Variants in ACTN1 observed in about 807,000 individuals in gnomAD.
The protein encoded by ACTN1 is actinin alpha 1.
ACTN1 carries 30 observed loss-of-function variants against 119.6 expected under a neutral mutation model. The ratio of observed to expected loss-of-function variants is 0.25; its 90% confidence interval spans 0.19 to 0.34. The LOEUF is 0.34. Among genes scored for constraint, ACTN1 ranks in the 10% least tolerant of loss-of-function variants. The pLI, the probability that ACTN1 is intolerant of heterozygous loss-of-function variation, is 1.00. For synonymous variants in ACTN1, 429 were observed against 472.6 expected (o/e 0.91, Z 1.20); for missense variants, 764 against 1,223.4 (o/e 0.62, Z 5.60).
At position 68,979,274 on chromosome 14, in the gene ACTN1, G is replaced by A. The variant is rs2037182997; in HGVS notation, c.-218C>T. The A allele has an allele frequency of 2.5e-6, 1 of 405,664 alleles. No homozygotes were observed. The highest frequency in any genetic ancestry group is 4.8e-5 in the Admixed American group (1 of 20,646). 25.1% of individuals were successfully genotyped at this position (405,664 alleles called of 1,614,324 possible). On this transcript the variant is annotated 5_prime_UTR_variant, in exon 1 of 22. Transcript: ENST00000394419. ...CTCGCGGACTGCCTGCCTCTGGGCGGGCGCTTGGACCTAATCTCCACGCAC... is the reference window on the plus strand; with the variant it reads ...CTCGCGGACTGCCTGCCTCTGGGCGAGCGCTTGGACCTAATCTCCACGCAC...
At position 68,926,948 on chromosome 14, in the gene ACTN1, C is replaced by T. The variant is rs116613129; in HGVS notation, c.106-1276G>A. Among the ~76,000 whole-genome samples the T allele has an allele frequency of 5.4e-3, 820 of 152,258 alleles. 4 individuals are homozygous for T. The highest frequency in any genetic ancestry group is 0.018 in the African/African-American group (764 of 41,540). On this transcript the variant is annotated intron_variant, in intron 1 of 21. Transcript: ENST00000394419. ...GACAGAAGCTATCCCTCCACACAGGCGGGGAGAAAGGGACAGCATTATGAT... is the reference window on the plus strand; with the variant it reads ...GACAGAAGCTATCCCTCCACACAGGTGGGGAGAAAGGGACAGCATTATGAT...
In ACTN1 at chr14:68,932,513, CTT is replaced by C. The variant is rs753725900; in HGVS notation, c.106-6843_106-6842del. ...AGAGAACCCTGACTAATACACCCAG[CTT>C]TTTTTTTTTTTTTTTTTTTTTTTTA... On this transcript the variant is annotated intron_variant, in intron 1 of 21. Coordinates refer to ENST00000394419, the MANE Select transcript of ACTN1 (RefSeq NM_001130004.2). Among the ~76,000 whole-genome samples, 281 of 87,258 alleles carry C rather than the reference CTT, an allele frequency of 3.2e-3. 1 individual carries two copies. Among genetic ancestry groups the C allele is most frequent in the Middle Eastern group, 0.014 (2 of 148 alleles). 57.2% of individuals were successfully genotyped at this position (87,258 alleles called of 152,430 possible). A position where few individuals can be genotyped will look rare whatever the true frequency, so the allele number is the denominator to read the frequency against.
Position 68,909,371 on chromosome 14 carries a change from C to T in ACTN1, c.541G>A (p.Ala181Thr). ...ISWKDGLGFC[A>T]LIHRHRPELI... Reference sequence around the variant, plus strand: ...TCGGGCCGGTGTCGGTGGATCAAAGCACAGAAGCCGAGGCCATCCTTCCAG... The same window carrying T: ...TCGGGCCGGTGTCGGTGGATCAAAGTACAGAAGCCGAGGCCATCCTTCCAG... The change falls in exon 6 of 22, where the codon GCT becomes ACT. Residue 181 changes from alanine to threonine, a missense_variant. Around this residue, in one of 4 missense-constraint regions of ACTN1, gnomAD observed 54 missense variants for 153.2 expected, o/e 0.35. Coordinates refer to ENST00000394419, the MANE Select transcript of ACTN1 (RefSeq NM_001130004.2). The surrounding 1 kb of genome is among the most constrained non-coding windows in gnomAD (Gnocchi z 4.1). 1.2e-6 allele frequency: 2 copies of T among 1,614,042 alleles called. No homozygotes were observed. Among genetic ancestry groups the T allele is most frequent in the Non-Finnish European group, 1.7e-6 (2 of 1,179,986 alleles).
rs1432357711 is a variant in ACTN1, at chr14:68,877,070, T to C, written c.2586+12A>G. ...GCCACCCCAGCACAGTGCCCACCCA[T>C]AGGACACCCACCTTGTCCCCAGCCA... On this transcript the variant is annotated intron_variant, in intron 21 of 21. Transcript: ENST00000394419. 2.7e-5 allele frequency: 44 copies of C among 1,613,670 alleles called. No individual in the cohort carries two copies. The highest frequency in any genetic ancestry group is 3.5e-5 in the Non-Finnish European group (41 of 1,179,794).
rs201198540 is a variant in ACTN1 at position 68,882,985 on chromosome 14, A to G, written c.1706T>C (p.Leu569Pro). ...CTTGGACACCTCATTGTGGATGCCC[A>G]GGATGGCCAGGCGCTCCTTGTCGGC... ...PDADKERLAILGIHNEVSKIV... is the reference protein window; with the variant it reads ...PDADKERLAIPGIHNEVSKIV... The change falls in exon 15 of 22, where the codon CTG becomes CCG. Residue 569 changes from leucine (L) to proline (P), a missense_variant. Coordinates refer to ENST00000394419, the MANE Select transcript of ACTN1 (RefSeq NM_001130004.2). This position sits in a 1 kb window ranked among gnomAD's most constrained non-coding sequence, Gnocchi z 4.5. 1 of 1,614,230 alleles carries G rather than the reference A, an allele frequency of 6.2e-7. No individual in the cohort carries two copies. Among genetic ancestry groups the G allele is most frequent in the East Asian group, 2.2e-5 (1 of 44,882 alleles).
intron 8 of ACTN1, among the ~76,000 whole-genome samples, chr14:68,894,699 TG>T (rs1164441457): frequency 6.6e-6 from 1 of 151,926 alleles, no homozygotes; most frequent in East Asian, 1.9e-4. Context: ...GAAGACAGCC[TG>T]GGGGTGGGAG....
At chr14:68,956,487 C>T (rs1033509317) in intron 1 of ACTN1, among the ~76,000 whole-genome samples, 1 of 152,150 alleles carries the variant, frequency 6.6e-6, no homozygotes, top group Admixed American at 6.5e-5. Flanking sequence ...TGGGCTCTAA[C>T]AGAGCATTTG....
intron 8 of ACTN1, among the ~76,000 whole-genome samples, chr14:68,901,966 C>T (rs1446055580): frequency 2.6e-5 from 4 of 152,208 alleles, no homozygotes; most frequent in African/African-American, 7.2e-5. Context: ...CACTAGAGCC[C>T]AAGGGGCTGA....
chr14:68,908,305 CCAT>C (rs1485595475), intron 6 of ACTN1, among the ~76,000 whole-genome samples: 4 of 152,168 alleles, frequency 2.6e-5, no homozygotes, highest in Non-Finnish European at 5.9e-5. Flanking sequence ...CCTGCCACCA[CCAT>C]GAGTTGCACA....
chr14:68,936,576 G>T, intron 1 of ACTN1: 2 of 501,860 alleles, frequency 4.0e-6, no homozygotes, highest in Admixed American at 3.0e-5. Context: ...TACGGGAATT[G>T]AAGCTGCCGA....
rs368583570 is a variant in ACTN1 at position 68,925,635 on chromosome 14, G to A, written c.143C>T (p.Ala48Val). 31 of 1,613,042 alleles carry A rather than the reference G, an allele frequency of 1.9e-5. No homozygotes were observed. The highest frequency in any genetic ancestry group is 1.6e-4 in the South Asian group (15 of 90,916). ...TTCGATGTTCTCGATCTGTGTCCCC[G>A]CCTTCCGGAGGTGGGAGTTACACCA... is the stretch of plus-strand genomic sequence containing the variant. ...TAWCNSHLRK[A>V]GTQIENIEED... Residue 48 changes from alanine to valine, a missense_variant, in exon 2 of 22, where the codon GCG (alanine) becomes GTG (valine). Physicochemically the swap from Ala to Val is moderately conservative, Grantham distance 64. Around this residue, in one of 4 missense-constraint regions of ACTN1, gnomAD observed 64 missense variants for 80.0 expected, o/e 0.80. Coordinates refer to ENST00000394419, the MANE Select transcript of ACTN1 (RefSeq NM_001130004.2). This position sits in a 1 kb window ranked among gnomAD's most constrained non-coding sequence, Gnocchi z 4.3.
Position 68,881,654 on chromosome 14 carries a change from G to C in ACTN1, c.1954-665C>G, listed in dbSNP as rs868267595. Reference sequence around the variant, plus strand: ...CCAATGTGAACTCAACATGGTCTCTGTTCTTAAGGAACTCAGAGGCCATGC... The same window carrying C: ...CCAATGTGAACTCAACATGGTCTCTCTTCTTAAGGAACTCAGAGGCCATGC... On this transcript the variant is annotated intron_variant, in intron 16 of 21. Transcript: ENST00000394419. Among the ~76,000 whole-genome samples the C allele has an allele frequency of 3.0e-4, 46 of 152,304 alleles. 1 individual carries two copies. Among genetic ancestry groups the C allele is most frequent in the Admixed American group, 1.3e-3 (20 of 15,304 alleles).
At chr14:68,947,739 T>C (rs1316222469) in intron 1 of ACTN1, among the ~76,000 whole-genome samples, 1 of 152,146 alleles carries the variant, frequency 6.6e-6, no homozygotes, top group East Asian at 1.9e-4. Context: ...TTATTTTCTG[T>C]CCCCAAATAT....
At chr14:68,899,465 A>ACAGCCC (rs75600635) in intron 8 of ACTN1, among the ~76,000 whole-genome samples, 1 of 135,892 alleles carries the variant, frequency 7.4e-6, no homozygotes, top group African/African-American at 2.9e-5. Context: ...ACCACACTCC[A>ACAGCCC]CATACACACA....
chr14:68,975,616 T>C (rs1048178398), intron 1 of ACTN1, among the ~76,000 whole-genome samples: 2 of 152,130 alleles, frequency 1.3e-5, no homozygotes, highest in Non-Finnish European at 2.9e-5. Context: ...GGGAGAAAAC[T>C]GGGGGCTGCA....
At chr14:68,960,405 A>T (rs980767176) in intron 1 of ACTN1, among the ~76,000 whole-genome samples, 2 of 152,206 alleles carry the variant, frequency 1.3e-5, no homozygotes, top group Non-Finnish European at 2.9e-5. Context: ...GTGTTAATTA[A>T]CTTGATTGTG....
At position 68,975,139 on chromosome 14, in the gene ACTN1, A is replaced by C. The variant is rs151294602; in HGVS notation, c.105+3813T>G. ...TTGCTGTCCAGAAGGAAGTGCAAAC[A>C]ATGTGTCCCCTCTTCCTGTGACCTA... On this transcript the variant is annotated intron_variant, in intron 1 of 21. Transcript: ENST00000394419. Among the ~76,000 whole-genome samples, 724 of 152,312 alleles carry C rather than the reference A, an allele frequency of 4.8e-3. 2 individuals carry two copies. Among genetic ancestry groups the C allele is most frequent in the African/African-American group, 0.016 (670 of 41,552 alleles).
intron 11 of ACTN1, chr14:68,887,847 T>A: frequency 1.2e-6 from 1 of 836,296 alleles, no homozygotes; most frequent in Admixed American, 1.7e-5. Context: ...TCACTTTTCA[T>A]TTCCCCGTTT....
Position 68,967,594 on chromosome 14 carries a change from A to C in ACTN1, c.105+11358T>G, listed in dbSNP as rs529618912. On this transcript the variant is annotated intron_variant, in intron 1 of 21. Transcript: ENST00000394419. Reference sequence around the variant, plus strand: ...GGAGTTTCACAACAGTGCCCCAAGAAAGTGTAATGAAGGCAGGCAGGCTGC... The same window carrying C: ...GGAGTTTCACAACAGTGCCCCAAGACAGTGTAATGAAGGCAGGCAGGCTGC... Among the ~76,000 whole-genome samples the C allele has an allele frequency of 2.6e-5, 4 of 152,332 alleles. No individual in the cohort carries two copies. In the East Asian group the frequency reaches 5.8e-4, roughly 22 times the overall value.
Sources: allele counts gnomAD v4.1 joint callset (sites outside exome capture counted in the v4.1 genomes callset), GRCh38; gene constraint gnomAD v4.1.1; regional missense constraint gnomAD v4.1.1; non-coding constraint Gnocchi (gnomAD v3.1); transcripts MANE v1.5; gene names NCBI Gene and HGNC (gene_info 2026-07-23, HGNC 2026-07-21).